The following DERL1 variants were observed in gnomAD, a reference collection of about 807,000 sequenced individuals.
DERL1 encodes derlin 1, also known as derlin-1.
A neutral mutation model predicts 41.6 loss-of-function variants in DERL1; 24 were observed. The ratio of observed to expected loss-of-function variants is 0.58; its 90% CI spans 0.42 to 0.81. DERL1 has a LOEUF of 0.81. Ranked by LOEUF, DERL1 falls within the 30% of genes least tolerant of loss-of-function variation. The pLI is 0.00. For missense variants in DERL1, 260 were observed against 314.3 expected (o/e 0.83, Z 1.31); for synonymous variants, 124 against 112.5 (o/e 1.10, Z -0.65).
chr8:123,041,545 G>A (rs1361119365), intron 1 of DERL1, among the ~76,000 whole-genome samples: 9 of 152,138 alleles, frequency 5.9e-5, no homozygotes, highest in Non-Finnish European at 1.0e-4. Context: ...CTCCATAAAC[G>A]TGAAAGGAAC....
At chr8:123,033,648 C>G (rs912454886) in intron 1 of DERL1, among the ~76,000 whole-genome samples, 1 of 152,132 alleles carries the variant, frequency 6.6e-6, no homozygotes, top group Non-Finnish European at 1.5e-5. Flanking sequence ...GAGGCTGAGG[C>G]AGGAGAATCG....
chr8:123,015,385 A>C lies in DERL1; in HGVS notation c.*62T>G. ...CAGTGTTAGCCAGAACGCAGTTGTT[A>C]AGTGCACCCAGCACTGGGAGGAAAT... On this transcript the variant is annotated 3_prime_UTR_variant, in exon 8 of 8. Transcript: ENST00000259512. 1 of 1,582,048 alleles carries C rather than the reference A, an allele frequency of 6.3e-7. No homozygotes were observed. Among genetic ancestry groups the C allele is most frequent in the Non-Finnish European group, 8.6e-7 (1 of 1,162,298 alleles).
chr8:123,033,026 A>C (rs1286939730), intron 1 of DERL1, among the ~76,000 whole-genome samples: 1 of 151,798 alleles, frequency 6.6e-6, no homozygotes, highest in East Asian at 1.9e-4. Flanking sequence ...CACACCTGGT[A>C]ATTTTGTTTG....
At position 123,013,576 on chromosome 8, in the gene DERL1, G is replaced by A. The variant is rs989357349; in HGVS notation, c.*1871C>T. Reference sequence around the variant, plus strand: ...TCATCAGCTTCCTAACCATGTTTAAGAGGAATAACTTCATGAACATTTTGC... The same window carrying A: ...TCATCAGCTTCCTAACCATGTTTAAAAGGAATAACTTCATGAACATTTTGC... On this transcript the variant is annotated 3_prime_UTR_variant, in exon 8 of 8. Coordinates refer to ENST00000259512, the MANE Select transcript of DERL1 (RefSeq NM_024295.6). 16 of 152,170 alleles carry A rather than the reference G, an allele frequency of 1.1e-4. No homozygotes were observed. Among genetic ancestry groups the A allele is most frequent in the African/African-American group, 3.9e-4 (16 of 41,434 alleles). 9.4% of individuals were successfully genotyped at this position (152,170 alleles called of 1,614,324 possible).
chr8:123,022,585 A>G, intron 5 of DERL1, 99 bp downstream of exon 5: 2 of 1,136,852 alleles, frequency 1.8e-6, no homozygotes, highest in Non-Finnish European at 2.7e-6. Flanking sequence ...ACTGCTCTGC[A>G]GTGACCCCTT....
At chr8:123,027,834 GGTGGATT>G (rs1812735554) in intron 2 of DERL1, among the ~76,000 whole-genome samples, 1 of 152,172 alleles carries the variant, frequency 6.6e-6, no homozygotes, top group African/African-American at 2.4e-5. Context: ...GGCTGAGGCA[GGTGGATT>G]ACCTAAGGTC....
intron 1 of DERL1, 23 bp downstream of exon 1, chr8:123,041,947 C>T (rs1044995464): frequency 4.4e-6 from 7 of 1,587,084 alleles, no homozygotes; most frequent in Non-Finnish European, 6.0e-6. Context: ...GTAGTCTCCA[C>T]GCCCCCCGTC....
At position 123,033,327 on chromosome 8, in the gene DERL1, A is replaced by G. The variant is rs796504018; in HGVS notation, c.154-2611T>C. 9.2e-5 allele frequency among the ~76,000 whole-genome samples: 14 copies of G among 152,238 alleles called. 1 individual carries two copies. Among genetic ancestry groups the G allele is most frequent in the African/African-American group, 3.4e-4 (14 of 41,520 alleles). Reference sequence around the variant, plus strand: ...ACCATTCTTTTATTATATCCATGTGATATTGATATAATTCCCAGCCAAGAA... The same window carrying G: ...ACCATTCTTTTATTATATCCATGTGGTATTGATATAATTCCCAGCCAAGAA... On this transcript the variant is annotated intron_variant, in intron 1 of 7. Transcript: ENST00000259512.
At position 123,040,050 on chromosome 8, in the gene DERL1, T is replaced by A. The variant is rs58989441; in HGVS notation, c.153+1920A>T. On this transcript the variant is annotated intron_variant, in intron 1 of 7. Coordinates refer to ENST00000259512, the MANE Select transcript of DERL1 (RefSeq NM_024295.6). ...CTGGCCAACATGGCGAAACCCCGTC[T>A]CTACTAAAATACAAAAATTAGCTGG... is the stretch of plus-strand genomic sequence containing the variant. Among the ~76,000 whole-genome samples, 131 of 152,268 alleles carry A rather than the reference T, an allele frequency of 8.6e-4. 6 individuals are homozygous for A. In the East Asian group the frequency reaches 0.025, roughly 29 times the overall value.
intron 1 of DERL1, among the ~76,000 whole-genome samples, chr8:123,037,450 A>G (rs1183288212): frequency 6.6e-6 from 1 of 152,240 alleles, no homozygotes; most frequent in East Asian, 1.9e-4. Context: ...ATGCTATGAT[A>G]TTATCCTCAG....
chr8:123,030,459 G>A (rs1812798007), intron 2 of DERL1, 146 bp downstream of exon 2: 10 of 568,642 alleles, frequency 1.8e-5, no homozygotes, highest in South Asian at 7.5e-5. Flanking sequence ...AGTGCCTGGT[G>A]CAGTCCTGGC....
chr8:123,042,210 G>C lies in DERL1; in HGVS notation c.-88C>G. The C allele has an allele frequency of 7.0e-7, 1 of 1,428,604 alleles. No individual in the cohort carries two copies. Among genetic ancestry groups the C allele is most frequent in the South Asian group, 1.4e-5 (1 of 69,276 alleles). The allele number at this position is 1,428,604 out of a possible 1,614,324, so 88.5% of individuals were successfully genotyped here. On this transcript the variant is annotated 5_prime_UTR_variant, in exon 1 of 8. Coordinates refer to ENST00000259512, the MANE Select transcript of DERL1 (RefSeq NM_024295.6). ...GACGCGGCCGGCTCCGCGACTGTTAGGTGTCTAGGTGGAAGCCGCCGAAGC... is the reference window on the plus strand; with the variant it reads ...GACGCGGCCGGCTCCGCGACTGTTACGTGTCTAGGTGGAAGCCGCCGAAGC...
At chr8:123,041,627 T>C (rs1200017396) in intron 1 of DERL1, among the ~76,000 whole-genome samples, 1 of 152,206 alleles carries the variant, frequency 6.6e-6, no homozygotes, top group East Asian at 1.9e-4. Flanking sequence ...CAGAGGGCAA[T>C]GCTCCAGGCG....
At chr8:123,030,436 A>T (rs1812797532) in intron 2 of DERL1, 169 bp downstream of exon 2, 2 of 520,034 alleles carry the variant, frequency 3.8e-6, no homozygotes, top group Non-Finnish European at 6.7e-6. Flanking sequence ...AGGATTAAAA[A>T]TTGAGTAAGC....
intron 4 of DERL1, among the ~76,000 whole-genome samples, chr8:123,022,993 A>G (rs1212433332): frequency 6.6e-6 from 1 of 152,222 alleles, no homozygotes; most frequent in Non-Finnish European, 1.5e-5. Flanking sequence ...ATTATTTTAG[A>G]TGGATTCAGA....
chr8:123,022,857 C>A lies in DERL1; in HGVS notation c.358-78G>T, dbSNP rs530000163. 156 of 1,151,786 alleles carry A rather than the reference C, an allele frequency of 1.4e-4. 2 individuals carry two copies. The South Asian group carries it at 1.8e-3, about 13-fold the overall frequency. The allele number at this position is 1,151,786 out of a possible 1,614,324, so 71.3% of individuals were successfully genotyped here. Reference sequence around the variant, plus strand: ...GTGTACATCTACTATGCTTTTTACCCCTCCTCTTCACAACAATCCTCACCT... The same window carrying A: ...GTGTACATCTACTATGCTTTTTACCACTCCTCTTCACAACAATCCTCACCT... On this transcript the variant is annotated intron_variant, in intron 4 of 7. Coordinates refer to ENST00000259512, the MANE Select transcript of DERL1 (RefSeq NM_024295.6).
rs1554596096 is a variant in DERL1 at position 123,032,145 on chromosome 8, T to TTC, written c.154-1430_154-1429insGA. On this transcript the variant is annotated intron_variant, in intron 1 of 7. Transcript: ENST00000259512. ...TTTTTCTGGATTTACATTTTTTTTT[T>TTC]CCCCCCCGAGATAGGATCTTGCTCT... Among the ~76,000 whole-genome samples the TTC allele has an allele frequency of 6.6e-3, 939 of 141,688 alleles. 10 individuals carry two copies. Among genetic ancestry groups the TTC allele is most frequent in the African/African-American group, 0.023 (885 of 38,008 alleles). 93.0% of individuals were successfully genotyped at this position (141,688 alleles called of 152,430 possible).
chr8:123,019,459 G>A (rs928771354), intron 6 of DERL1, among the ~76,000 whole-genome samples, 154 bp from the exon 7 acceptor site: 4 of 152,148 alleles, frequency 2.6e-5, no homozygotes, highest in African/African-American at 9.7e-5. Flanking sequence ...AGTCTGAGTG[G>A]CAAATGCATT....
chr8:123,030,453 C>G, intron 2 of DERL1, 152 bp downstream of exon 2: 1 of 551,912 alleles, frequency 1.8e-6, no homozygotes. Context: ...AAGCTAAGTG[C>G]CTGGTGCAGT....
Sources: gnomAD v4.1 joint callset for allele counts (sites outside exome capture counted in the v4.1 genomes callset) on GRCh38, gnomAD v4.1.1 for gene constraint, MANE v1.5 for transcripts, NCBI Gene and HGNC (gene_info 2026-07-23, HGNC 2026-07-21) for gene names.